CLSTN2: variants seen among roughly 807,000 people sequenced by gnomAD.
The protein encoded by CLSTN2 is calsyntenin 2, also known as calsyntenin-2.
A neutral mutation model predicts 101.2 loss-of-function variants in CLSTN2; 48 were observed. That is an observed-to-expected ratio of 0.47 (90% CI 0.38 to 0.60). The LOEUF is 0.60. Among genes scored for constraint, CLSTN2 ranks in the 20% least tolerant of loss-of-function variants. The pLI is 0.00. For synonymous variants in CLSTN2, 481 were observed against 463.6 expected (o/e 1.04, Z -0.48); for missense variants, 1,160 against 1,238.2 (o/e 0.94, Z 0.95).
intron 1 of CLSTN2, among the ~76,000 whole-genome samples, chr3:140,090,865 G>A (rs766097255): frequency 6.6e-6 from 1 of 152,066 alleles, no homozygotes; most frequent in Admixed American, 6.5e-5. Context: ...CTGGTCAGGG[G>A]GTCAAAACAG....
chr3:140,494,356 A>G (rs1474830108), intron 8 of CLSTN2, among the ~76,000 whole-genome samples: 1 of 152,236 alleles, frequency 6.6e-6, no homozygotes, highest in African/African-American at 2.4e-5. Context: ...TAAGAGAATG[A>G]GGGAGGTAAA....
rs769497223 is a variant in CLSTN2, at chr3:140,404,727, A to G, written c.598A>G (p.Ile200Val). ...PQYSQICNYE[I>V]VTTDVPFAID... ...GTACAGCCAGATCTGCAACTATGAA[A>G]TCGTCACCACAGATGTGCCTTTTGC... Residue 200 changes from isoleucine (I) to valine (V), a missense_variant, in exon 4 of 17, where the codon ATC becomes GTC. By Grantham distance (29) the Ile-to-Val change is conservative. Transcript: ENST00000458420. 17 of 1,614,056 alleles carry G rather than the reference A, an allele frequency of 1.1e-5. No homozygotes were observed. In the Admixed American group the frequency reaches 2.2e-4, roughly 21 times the overall value.
chr3:140,223,008 C>T (rs2086288865), intron 2 of CLSTN2, among the ~76,000 whole-genome samples: 2 of 151,990 alleles, frequency 1.3e-5, no homozygotes, highest in African/African-American at 4.8e-5. Flanking sequence ...AAACTGAAAC[C>T]CAGAGATACA....
intron 1 of CLSTN2, among the ~76,000 whole-genome samples, chr3:140,028,694 C>T (rs984378231): frequency 2.6e-5 from 4 of 152,226 alleles, no homozygotes; most frequent in Admixed American, 6.5e-5. Context: ...TGAGAATCCC[C>T]GGCGCCAAGG....
At chr3:140,325,551 A>G (rs983926220) in intron 2 of CLSTN2, among the ~76,000 whole-genome samples, 2 of 152,204 alleles carry the variant, frequency 1.3e-5, no homozygotes, top group African/African-American at 4.8e-5. Context: ...CTCCCCATCT[A>G]ATTAGGAATA....
chr3:140,546,103 G>T (rs1300669183), intron 9 of CLSTN2, among the ~76,000 whole-genome samples: 1 of 152,166 alleles, frequency 6.6e-6, no homozygotes, highest in African/African-American at 2.4e-5. Context: ...GAGTCTCAGG[G>T]CTCTGCACCT....
intron 8 of CLSTN2, among the ~76,000 whole-genome samples, chr3:140,495,894 G>C (rs1282920189): frequency 7.2e-5 from 11 of 152,166 alleles, no homozygotes; most frequent in Admixed American, 7.2e-4. Flanking sequence ...AAGTCAGGTA[G>C]CATGATGCCT....
rs1275365338 is a variant in CLSTN2 at position 140,419,833 on chromosome 3, G to GTA, written c.638-1284_638-1283dup. On this transcript the variant is annotated intron_variant, in intron 4 of 16. Transcript: ENST00000458420. Reference sequence around the variant, plus strand: ...TATATACGTATATATACGTATATGTGTATATATATGTGTATATATATATGT... The same window carrying GTA: ...TATATACGTATATATACGTATATGTGTATATATATATGTGTATATATATATGT... Among the ~76,000 whole-genome samples, 5 of 32,106 alleles carry GTA rather than the reference G, an allele frequency of 1.6e-4. 1 individual carries two copies. The highest frequency in any genetic ancestry group is 2.6e-4 in the Non-Finnish European group (5 of 19,196). The allele number at this position is 32,106 out of a possible 152,430, so 21.1% of individuals were successfully genotyped here.
At chr3:140,177,981 A>G (rs1207200121) in intron 2 of CLSTN2, among the ~76,000 whole-genome samples, 1 of 152,112 alleles carries the variant, frequency 6.6e-6, no homozygotes, top group African/African-American at 2.4e-5. Flanking sequence ...AGATCCTCTC[A>G]TTCACCTTTC....
chr3:140,153,317 G>A (rs979580617), intron 1 of CLSTN2, among the ~76,000 whole-genome samples: 10 of 152,280 alleles, frequency 6.6e-5, no homozygotes, highest in African/African-American at 2.2e-4. Flanking sequence ...TGTCCTACAC[G>A]AAAACATGAG....
intron 1 of CLSTN2, among the ~76,000 whole-genome samples, chr3:139,982,492 A>T (rs1349727112): frequency 6.6e-6 from 1 of 152,164 alleles, no homozygotes; most frequent in Non-Finnish European, 1.5e-5. Context: ...AAATGCTAGA[A>T]AGTTTTCAAA....
At chr3:140,080,068 T>C (rs569361937) in intron 1 of CLSTN2, among the ~76,000 whole-genome samples, 10 of 152,344 alleles carry the variant, frequency 6.6e-5, no homozygotes, top group African/African-American at 2.4e-4. Flanking sequence ...ACAAAATATG[T>C]AATGTAGATT....
At chr3:140,389,705 C>T (rs1451713985) in intron 2 of CLSTN2, among the ~76,000 whole-genome samples, 2 of 152,202 alleles carry the variant, frequency 1.3e-5, no homozygotes, top group Non-Finnish European at 2.9e-5. Context: ...TGAGGAATCA[C>T]CACACTGTCT....
In CLSTN2 at chr3:140,572,324, G is replaced by A. The variant is rs58995292; in HGVS notation, c.*6071G>A. On this transcript the variant is annotated 3_prime_UTR_variant, in exon 17 of 17. Coordinates refer to ENST00000458420, the MANE Select transcript of CLSTN2 (RefSeq NM_022131.3). ...TCAAGGCTGACTCAGTTCACTTATG[G>A]ATGAAAGCCAGTTACCCTGCCCACT... The A allele has an allele frequency of 6.6e-6, 1 of 152,250 alleles. No homozygotes were observed. Among genetic ancestry groups the A allele is most frequent in the Non-Finnish European group, 1.5e-5 (1 of 68,056 alleles). 9.4% of individuals were successfully genotyped at this position (152,250 alleles called of 1,614,324 possible).
chr3:140,403,241 G>C (rs1201130731), intron 2 of CLSTN2, among the ~76,000 whole-genome samples: 1 of 152,184 alleles, frequency 6.6e-6, no homozygotes, highest in African/African-American at 2.4e-5. Context: ...AGAGAAAACT[G>C]CAACTTGGAA....
At chr3:140,354,865 G>A (rs977959121) in intron 2 of CLSTN2, among the ~76,000 whole-genome samples, 8 of 152,308 alleles carry the variant, frequency 5.3e-5, no homozygotes, top group Admixed American at 4.6e-4. Flanking sequence ...ACCTTTATAA[G>A]GTAGCACTTC....
At chr3:140,263,906 AT>A (rs1234784492) in intron 2 of CLSTN2, among the ~76,000 whole-genome samples, 1 of 152,120 alleles carries the variant, frequency 6.6e-6, no homozygotes, top group African/African-American at 2.4e-5. Flanking sequence ...CATATTTAAT[AT>A]TTTCATTCCC....
intron 2 of CLSTN2, among the ~76,000 whole-genome samples, chr3:140,365,259 G>T (rs1031217570): frequency 3.3e-5 from 5 of 152,054 alleles, no homozygotes; most frequent in African/African-American, 1.2e-4. Flanking sequence ...CCTAAAATAG[G>T]TGGAAGCCAC....
chr3:140,418,501 CTTTCTTTCTTTCTTTCTT>C (rs1559863718), intron 4 of CLSTN2, among the ~76,000 whole-genome samples: 2 of 90,020 alleles, frequency 2.2e-5, no homozygotes, highest in African/African-American at 2.0e-4. Context: ...TTCTTTCTTT[CTTTCTTTCTTTCTTTCTT>C]TTTTTTTTTT....
Sources: gnomAD v4.1 joint callset for allele counts (sites outside exome capture counted in the v4.1 genomes callset) on GRCh38, gnomAD v4.1.1 for gene constraint, MANE v1.5 for transcripts, NCBI Gene and HGNC (gene_info 2026-07-23, HGNC 2026-07-21) for gene names.